Variants in MLANA observed in about 807,000 individuals in gnomAD.
The protein encoded by MLANA is melan-A, also known as melanoma antigen recognized by T-cells 1.
A neutral mutation model predicts 15.7 loss-of-function variants in MLANA; 21 were observed. The observed-to-expected ratio is 1.33, with a 90% CI of 0.95 to 1.92. The LOEUF is 1.92. MLANA is among the 40% of genes most tolerant of loss of function. MLANA has a pLI of 0.00. For synonymous variants in MLANA, 56 were observed against 51.5 expected (o/e 1.09, Z -0.37); for missense variants, 164 against 143.8 (o/e 1.14, Z -0.72).
chr9:5,908,620 T>A lies in MLANA; in HGVS notation c.289-20T>A, dbSNP rs1207648820. 6.2e-7 allele frequency: 1 copy of A among 1,609,366 alleles called. No individual in the cohort carries two copies. The highest frequency in any genetic ancestry group is 8.5e-7 in the Non-Finnish European group (1 of 1,175,668). ...ATACACTGTTGCCAAGCCCATATTC[T>A]CCCTTTCTTGTTCTCACAGGTTCCC... is the stretch of plus-strand genomic sequence containing the variant. On this transcript the variant is annotated intron_variant, in intron 4 of 4. Coordinates refer to ENST00000381477, the MANE Select transcript of MLANA (RefSeq NM_005511.2).
At chr9:5,895,785 C>T (rs1360677983) in intron 2 of MLANA, among the ~76,000 whole-genome samples, 5 of 152,226 alleles carry the variant, frequency 3.3e-5, no homozygotes, top group African/African-American at 1.2e-4. Flanking sequence ...CACTCTGAGG[C>T]GCCCTGCCAA....
chr9:5,906,589 CTCT>C (rs1832831331), intron 3 of MLANA, among the ~76,000 whole-genome samples: 1 of 152,204 alleles, frequency 6.6e-6, no homozygotes, highest in Admixed American at 6.5e-5. Flanking sequence ...TGTAGATTCA[CTCT>C]TCTTATCCTT....
chr9:5,906,552 T>C (rs756680031), intron 3 of MLANA, among the ~76,000 whole-genome samples: 16 of 152,260 alleles, frequency 1.1e-4, no homozygotes, highest in Non-Finnish European at 1.5e-4. Flanking sequence ...TCACTATTGA[T>C]GGATAATTTC....
At chr9:5,891,008 A>C (rs1347220683) in intron 1 of MLANA, 72 bp downstream of exon 1, 1 of 152,194 alleles carries the variant, frequency 6.6e-6, no homozygotes, top group Non-Finnish European at 1.5e-5. Context: ...ATTCTGGCTA[A>C]GTCCTCTGCC....
chr9:5,907,716 G>A (rs1832909026), intron 4 of MLANA, among the ~76,000 whole-genome samples: 1 of 152,220 alleles, frequency 6.6e-6, no homozygotes, highest in Admixed American at 6.5e-5. Flanking sequence ...ACTTCGGGAG[G>A]CCGAGGTGGG....
At chr9:5,895,715 C>G (rs970316148) in intron 2 of MLANA, among the ~76,000 whole-genome samples, 1 of 152,178 alleles carries the variant, frequency 6.6e-6, no homozygotes, top group Non-Finnish European at 1.5e-5. Context: ...GGGTGGAGTC[C>G]TATGATCTGC....
chr9:5,900,062 A>C (rs2129941510), intron 3 of MLANA, among the ~76,000 whole-genome samples: 1 of 152,368 alleles, frequency 6.6e-6, no homozygotes, highest in South Asian at 2.1e-4. Context: ...CAAGAAGTAA[A>C]GCTATACAAA....
At chr9:5,907,428 A>T (rs1832886971) in intron 4 of MLANA, among the ~76,000 whole-genome samples, 1 of 152,362 alleles carries the variant, frequency 6.6e-6, no homozygotes, top group East Asian at 1.9e-4. Flanking sequence ...CTTAGCCACT[A>T]GTCACATGGT....
At position 5,894,996 on chromosome 9, in the gene MLANA, G is replaced by T. The variant is rs140450811; in HGVS notation, c.77+2445G>T. Among the ~76,000 whole-genome samples the T allele has an allele frequency of 3.9e-5, 6 of 152,328 alleles. No homozygotes were observed. In the East Asian group the frequency reaches 1.2e-3, roughly 29 times the overall value. On this transcript the variant is annotated intron_variant, in intron 2 of 4. Transcript: ENST00000381477. The surrounding 1 kb of genome is among the most constrained non-coding windows in gnomAD (Gnocchi z 4.0). ...AACCTGAATGACGTGCATAAGCAGGGTCAGGTGGGTTATCTGACATTTTCC... is the reference window on the plus strand; with the variant it reads ...AACCTGAATGACGTGCATAAGCAGGTTCAGGTGGGTTATCTGACATTTTCC...
chr9:5,904,960 A>G (rs1772529986), intron 3 of MLANA, among the ~76,000 whole-genome samples: 1 of 151,416 alleles, frequency 6.6e-6, no homozygotes, highest in Non-Finnish European at 1.5e-5. Context: ...TTTATAGTAG[A>G]GATGTCATTT....
chr9:5,908,121 CAAGCGAGTT>C (rs1354341064), intron 4 of MLANA, among the ~76,000 whole-genome samples: 1 of 152,158 alleles, frequency 6.6e-6, no homozygotes, highest in Non-Finnish European at 1.5e-5. Context: ...TGACCATGGG[CAAGCGAGTT>C]AACCTCTCTG....
chr9:5,907,118 T>C (rs890203824), intron 4 of MLANA, 120 bp downstream of exon 4: 9 of 540,656 alleles, frequency 1.7e-5, no homozygotes, highest in Middle Eastern at 4.1e-4. Context: ...CACTGAACTA[T>C]ATACACCTAA....
chr9:5,892,288 A>G (rs1468387139), intron 1 of MLANA, among the ~76,000 whole-genome samples, 162 bp from the exon 2 acceptor site: 1 of 152,234 alleles, frequency 6.6e-6, no homozygotes, highest in Admixed American at 6.5e-5. Flanking sequence ...AGCCCTTGAT[A>G]TGAATGAAAG....
chr9:5,909,353 G>C lies in MLANA; in HGVS notation c.*645G>C, dbSNP rs1365570988. On this transcript the variant is annotated 3_prime_UTR_variant, in exon 5 of 5. Coordinates refer to ENST00000381477, the MANE Select transcript of MLANA (RefSeq NM_005511.2). ...GGCTCACCATAACCTCCGCCTCCCA[G>C]GTTCAAGCAATTCTCCTGCCTTAGC... is the stretch of plus-strand genomic sequence containing the variant. The C allele has an allele frequency of 6.6e-6, 1 of 152,458 alleles. No homozygotes were observed. Among genetic ancestry groups the C allele is most frequent in the Non-Finnish European group, 1.5e-5 (1 of 68,292 alleles). The allele number at this position is 152,458 out of a possible 1,614,324, so 9.4% of individuals were successfully genotyped here.
Position 5,894,414 on chromosome 9 carries a change from C to G in MLANA, c.77+1863C>G, listed in dbSNP as rs1389812225. 1.3e-5 allele frequency among the ~76,000 whole-genome samples: 2 copies of G among 152,162 alleles called. No homozygotes were observed. The highest frequency in any genetic ancestry group is 2.9e-5 in the Non-Finnish European group (2 of 68,034). ...CAACCAAGGCTGTACCCACAGAATG[C>G]TGCTTCTACCCCCGTGTCTGGGGTA... On this transcript the variant is annotated intron_variant, in intron 2 of 4. Transcript: ENST00000381477. This position sits in a 1 kb window ranked among gnomAD's most constrained non-coding sequence, Gnocchi z 4.0.
chr9:5,905,155 A>G (rs1424674543), intron 3 of MLANA, among the ~76,000 whole-genome samples: 1 of 152,196 alleles, frequency 6.6e-6, no homozygotes, highest in Non-Finnish European at 1.5e-5. Flanking sequence ...CCACTTTCAA[A>G]TAACACTATA....
chr9:5,897,966 G>C (rs1832144577), intron 3 of MLANA: 1 of 284,838 alleles, frequency 3.5e-6, no homozygotes, highest in Admixed American at 4.2e-5. Flanking sequence ...AGATCTAGGG[G>C]CCACACCTGG....
intron 3 of MLANA, among the ~76,000 whole-genome samples, chr9:5,903,284 G>A (rs992439821): frequency 6.6e-6 from 1 of 152,222 alleles, no homozygotes; most frequent in Admixed American, 6.5e-5. Flanking sequence ...TGAGAAGAAA[G>A]TGTATTCTGT....
rs1333442535 is a variant in MLANA at position 5,892,567 on chromosome 9, G to A, written c.77+16G>A. On this transcript the variant is annotated intron_variant, in intron 2 of 4. Coordinates refer to ENST00000381477, the MANE Select transcript of MLANA (RefSeq NM_005511.2). ...CGGCTGAAGAGTAAGTTCAAAACCA[G>A]ACCCAGCAGGGCTTCCAGTTTGCCG... 1 of 1,609,360 alleles carries A rather than the reference G, an allele frequency of 6.2e-7. No homozygotes were observed. The highest frequency in any genetic ancestry group is 1.3e-5 in the African/African-American group (1 of 74,654).
Sources: gnomAD v4.1 joint callset for allele counts (sites outside exome capture counted in the v4.1 genomes callset) on GRCh38, gnomAD v4.1.1 for gene constraint, Gnocchi (gnomAD v3.1) non-coding constraint, MANE v1.5 for transcripts, NCBI Gene and HGNC (gene_info 2026-07-23, HGNC 2026-07-21) for gene names.